EYA2: variants seen among roughly 807,000 people sequenced by gnomAD.
EYA2 encodes EYA transcriptional coactivator and phosphatase 2, also known as protein phosphatase EYA2.
EYA2 carries 31 observed loss-of-function variants against 69.2 expected under a neutral mutation model. The ratio of observed to expected loss-of-function variants is 0.45; its 90% CI spans 0.34 to 0.60. EYA2 has a LOEUF of 0.60. EYA2 is among the 20% of genes least tolerant of loss of function. The pLI is 0.02. For missense variants in EYA2, 622 were observed against 701.2 expected (o/e 0.89, Z 1.28); for synonymous variants, 257 against 279.4 (o/e 0.92, Z 0.80).
At chr20:47,151,238 G>A (rs555340710) in intron 10 of EYA2, among the ~76,000 whole-genome samples, 6 of 152,008 alleles carry the variant, frequency 3.9e-5, no homozygotes, top group Admixed American at 2.0e-4. Context: ...GGTCATCGTG[G>A]TGGGCACCTG....
chr20:47,031,290 A>G lies in EYA2; in HGVS notation c.415+14993A>G, dbSNP rs537639152. On this transcript the variant is annotated intron_variant, in intron 5 of 15. Coordinates refer to ENST00000327619, the MANE Select transcript of EYA2 (RefSeq NM_005244.5). Reference sequence around the variant, plus strand: ...GCCAAGTGGCTGAGGAGCCAAGGGGAGAGGGGTGGGGAATGAGTTGGCCGG... The same window carrying G: ...GCCAAGTGGCTGAGGAGCCAAGGGGGGAGGGGTGGGGAATGAGTTGGCCGG... Among the ~76,000 whole-genome samples the G allele has an allele frequency of 7.2e-5, 11 of 152,204 alleles. No homozygotes were observed. In the East Asian group the frequency reaches 1.9e-3, roughly 27 times the overall value.
intron 5 of EYA2, among the ~76,000 whole-genome samples, chr20:47,027,458 C>T (rs962295796): frequency 1.3e-5 from 2 of 152,198 alleles, no homozygotes; most frequent in Admixed American, 1.3e-4. Flanking sequence ...ACACCTCCAG[C>T]CTGGGGGGTC....
At position 47,089,466 on chromosome 20, in the gene EYA2, G is replaced by C. The variant is rs566560438; in HGVS notation, c.804+85G>C. On this transcript the variant is annotated intron_variant, in intron 8 of 15. Coordinates refer to ENST00000327619, the MANE Select transcript of EYA2 (RefSeq NM_005244.5). ...AGAGTGGGGACAGAGTTTTCTCCAAGTACGAGGCGGAGAATCGCCCTTCGT... is the reference window on the plus strand; with the variant it reads ...AGAGTGGGGACAGAGTTTTCTCCAACTACGAGGCGGAGAATCGCCCTTCGT... 14 of 1,447,136 alleles carry C rather than the reference G, an allele frequency of 9.7e-6. No homozygotes were observed. The Admixed American group carries it at 2.8e-4, about 29-fold the overall frequency. 89.6% of individuals were successfully genotyped at this position (1,447,136 alleles called of 1,614,324 possible).
chr20:47,055,597 C>T (rs1487247762), intron 5 of EYA2, among the ~76,000 whole-genome samples: 1 of 152,216 alleles, frequency 6.6e-6, no homozygotes, highest in East Asian at 1.9e-4. Flanking sequence ...CCCTTATCCT[C>T]TCCTGAATTT....
chr20:47,079,292 A>G (rs1177469648), intron 7 of EYA2, among the ~76,000 whole-genome samples: 1 of 152,234 alleles, frequency 6.6e-6, no homozygotes, highest in Non-Finnish European at 1.5e-5. Flanking sequence ...GATATTTTAC[A>G]GTTCTGGAGG....
chr20:47,003,434 G>A (rs560789577), intron 3 of EYA2, among the ~76,000 whole-genome samples: 17 of 152,322 alleles, frequency 1.1e-4, no homozygotes, highest in African/African-American at 3.4e-4. Flanking sequence ...ATGTGATTCG[G>A]TCTCAAGAGG....
intron 14 of EYA2, among the ~76,000 whole-genome samples, chr20:47,182,426 C>G (rs953671637): frequency 6.7e-6 from 1 of 148,154 alleles, no homozygotes; most frequent in African/African-American, 2.5e-5. Context: ...TCAGGCAGTT[C>G]AAGACCAGCC....
intron 4 of EYA2, among the ~76,000 whole-genome samples, chr20:47,007,507 C>T (rs115854740): frequency 0.016 from 2,372 of 152,158 alleles, 40 homozygotes; most frequent in African/African-American, 0.044. Flanking sequence ...GCCTCCGAGG[C>T]CCAGGAAAGA....
chr20:46,953,382 TG>T (rs1452378546), intron 1 of EYA2, among the ~76,000 whole-genome samples: 2 of 152,134 alleles, frequency 1.3e-5, no homozygotes, highest in Non-Finnish European at 1.5e-5. Context: ...AACAAAATCT[TG>T]GGGAATGGTT....
chr20:46,958,063 CTT>C (rs1476365826), intron 1 of EYA2, among the ~76,000 whole-genome samples: 1 of 152,170 alleles, frequency 6.6e-6, no homozygotes, highest in African/African-American at 2.4e-5. Context: ...ATCGCTAAGA[CTT>C]ATCACCATGG....
At chr20:47,002,133 C>G (rs1982421440) in intron 3 of EYA2, among the ~76,000 whole-genome samples, 1 of 151,834 alleles carries the variant, frequency 6.6e-6, no homozygotes, top group Non-Finnish European at 1.5e-5. Flanking sequence ...TCTCTTCCCT[C>G]CCCTTTCGTC....
intron 7 of EYA2, among the ~76,000 whole-genome samples, chr20:47,081,156 C>G (rs1179478823): frequency 2.0e-5 from 3 of 152,102 alleles, no homozygotes; most frequent in African/African-American, 7.2e-5. Context: ...ATTGTTCAGT[C>G]TCAGGTATGT....
chr20:47,121,221 A>C (rs2033035599), intron 9 of EYA2, among the ~76,000 whole-genome samples: 1 of 152,136 alleles, frequency 6.6e-6, no homozygotes, highest in African/African-American at 2.4e-5. Flanking sequence ...CCTGCGGAGT[A>C]GCTGGGTCTA....
intron 1 of EYA2, among the ~76,000 whole-genome samples, chr20:46,908,870 C>A (rs1040067651): frequency 3.4e-4 from 16 of 47,582 alleles, no homozygotes; most frequent in African/African-American, 1.4e-3. Context: ...CTCTCCCGCA[C>A]TTTTTTTTTT....
intron 1 of EYA2, among the ~76,000 whole-genome samples, chr20:46,988,474 A>G (rs986342147): frequency 6.6e-6 from 1 of 152,140 alleles, no homozygotes; most frequent in African/African-American, 2.4e-5. Flanking sequence ...GTTTATAAGC[A>G]CCACACCAGC....
chr20:47,013,810 C>T (rs375099633), intron 4 of EYA2, among the ~76,000 whole-genome samples: 59 of 152,302 alleles, frequency 3.9e-4, no homozygotes, highest in African/African-American at 1.4e-3. Context: ...GTTAACGACT[C>T]CTAGTGGACT....
chr20:46,961,346 T>A (rs1282520204), intron 1 of EYA2, among the ~76,000 whole-genome samples: 2 of 152,008 alleles, frequency 1.3e-5, no homozygotes, highest in African/African-American at 2.4e-5. Flanking sequence ...ATAAATAAAT[T>A]TATTTTAAAA....
intron 1 of EYA2, among the ~76,000 whole-genome samples, chr20:46,939,350 CCTGAGAATGAA>C (rs1164960003): frequency 6.6e-6 from 1 of 152,126 alleles, no homozygotes; most frequent in Non-Finnish European, 1.5e-5. Context: ...GGAGAGGCTT[CCTGAGAATGAA>C]CTCAAGGTGG....
chr20:47,165,392 A>G (rs531692224), intron 10 of EYA2, among the ~76,000 whole-genome samples: 10 of 152,308 alleles, frequency 6.6e-5, no homozygotes, highest in Admixed American at 6.5e-4. Context: ...GTGGTCACTC[A>G]GTGTCCTTCC....
Sources: gnomAD v4.1 joint callset for allele counts (sites outside exome capture counted in the v4.1 genomes callset) on GRCh38, gnomAD v4.1.1 for gene constraint, MANE v1.5 for transcripts, NCBI Gene and HGNC (gene_info 2026-07-23, HGNC 2026-07-21) for gene names.